TTC39B: variants seen among roughly 807,000 people sequenced by gnomAD.
The protein encoded by TTC39B is tetratricopeptide repeat protein 39B.
Under a neutral mutation model 96.6 loss-of-function variants are expected in TTC39B, and 92 were observed. The ratio of observed to expected loss-of-function variants is 0.95; its 90% confidence interval spans 0.80 to 1.13. The LOEUF (loss-of-function observed/expected upper bound fraction) is 1.13. TTC39B is among the 50% of genes most tolerant of loss of function. The probability of loss-of-function intolerance (pLI) is 0.00; values close to 1 mark genes in which losing one functional copy is unlikely to be tolerated. For missense variants in TTC39B, 955 were observed against 809.3 expected (o/e 1.18, Z -2.18); for synonymous variants, 367 against 299.4 (o/e 1.23, Z -2.33).
At chr9:15,250,278 T>A (rs1822476141) in intron 2 of TTC39B, 1 of 908,544 alleles carries the variant, frequency 1.1e-6, no homozygotes, top group Non-Finnish European at 1.3e-6. Flanking sequence ...CTAATTCTAA[T>A]CCATCACTGT....
intron 2 of TTC39B, among the ~76,000 whole-genome samples, chr9:15,234,628 GC>G (rs1821679563): frequency 6.6e-6 from 1 of 152,106 alleles, no homozygotes; most frequent in Non-Finnish European, 1.5e-5. Context: ...TCGGATGGTT[GC>G]CGTGTCTGTG....
At chr9:15,198,865 A>T (rs1046667938) in intron 8 of TTC39B, among the ~76,000 whole-genome samples, 2 of 152,230 alleles carry the variant, frequency 1.3e-5, no homozygotes, top group Non-Finnish European at 2.9e-5. Context: ...TCCCATGCAA[A>T]GACTAATTAT....
chr9:15,214,336 G>C (rs1365983186), intron 3 of TTC39B, 87 bp from the exon 4 acceptor site: 36 of 812,250 alleles, frequency 4.4e-5, no homozygotes, highest in Non-Finnish European at 6.0e-5. Context: ...GTGTGTGTGT[G>C]TGTGTGTGTG....
intron 4 of TTC39B, among the ~76,000 whole-genome samples, chr9:15,213,453 C>G (rs1332697945): frequency 6.6e-6 from 1 of 152,196 alleles, no homozygotes; most frequent in Non-Finnish European, 1.5e-5. Flanking sequence ...CAATCAATCT[C>G]TAAGATTCAC....
At chr9:15,226,985 GTT>G (rs1491095668) in intron 2 of TTC39B, among the ~76,000 whole-genome samples, 1 of 151,416 alleles carries the variant, frequency 6.6e-6, no homozygotes, top group African/African-American at 2.4e-5. Flanking sequence ...TTTTGTGGTT[GTT>G]TTTTGTTTTT....
At chr9:15,249,998 T>C in intron 2 of TTC39B, 1 of 1,288,810 alleles carries the variant, frequency 7.8e-7, no homozygotes, top group Non-Finnish European at 1.0e-6. Flanking sequence ...TACCAGATTT[T>C]TTTTTAAGCC....
intron 6 of TTC39B, 125 bp downstream of exon 6, chr9:15,209,963 G>A (rs1820098080): frequency 4.3e-6 from 3 of 692,750 alleles, no homozygotes; most frequent in East Asian, 2.8e-5. Context: ...CTTCCAGAGG[G>A]TGAGTATGAT....
intron 2 of TTC39B, among the ~76,000 whole-genome samples, chr9:15,236,950 A>T (rs980354801): frequency 6.6e-6 from 1 of 152,258 alleles, no homozygotes; most frequent in East Asian, 1.9e-4. Context: ...ACCCAAAGCT[A>T]GCAGAAGAAA....
intron 2 of TTC39B, chr9:15,249,876 A>G (rs2131501694): frequency 8.3e-7 from 1 of 1,199,444 alleles, no homozygotes; most frequent in Non-Finnish European, 1.1e-6. Context: ...GAACATTTGA[A>G]TCATAAACCC....
intron 1 of TTC39B, among the ~76,000 whole-genome samples, chr9:15,280,816 A>G (rs1823734052): frequency 6.6e-6 from 1 of 152,164 alleles, no homozygotes; most frequent in Non-Finnish European, 1.5e-5. Context: ...AGGAGGAGTA[A>G]AGAATGCGAA....
At chr9:15,236,716 A>C (rs761610449) in intron 2 of TTC39B, among the ~76,000 whole-genome samples, 8 of 152,350 alleles carry the variant, frequency 5.3e-5, no homozygotes, top group Admixed American at 2.0e-4. Context: ...CTTGCTCCTG[A>C]ACAACTCTTG....
intron 7 of TTC39B, among the ~76,000 whole-genome samples, chr9:15,201,450 T>C (rs1819534927): frequency 6.6e-6 from 1 of 152,092 alleles, no homozygotes; most frequent in Admixed American, 6.5e-5. Context: ...GAACACAAAG[T>C]AGTGGCATGG....
intron 8 of TTC39B, among the ~76,000 whole-genome samples, chr9:15,194,364 C>G (rs1291941180): frequency 6.6e-6 from 1 of 152,010 alleles, no homozygotes; most frequent in Non-Finnish European, 1.5e-5. Context: ...AAAACATTTA[C>G]TAAAGTACCT....
At chr9:15,286,254 G>C (rs1037015081) in intron 1 of TTC39B, among the ~76,000 whole-genome samples, 1 of 152,182 alleles carries the variant, frequency 6.6e-6, no homozygotes, top group Non-Finnish European at 1.5e-5. Flanking sequence ...TTTCACATCT[G>C]GCAGTCACAA....
In TTC39B at chr9:15,234,086, C is replaced by A. The variant is rs1421660592; in HGVS notation, c.276-8074G>T. On this transcript the variant is annotated intron_variant, in intron 2 of 19. Transcript: ENST00000512701. ...GAGGAGCGCCTCTGCCCGGCCGCGA[C>A]CCCATCTGGGAGGTGAGGAGTGTCT... 3.3e-3 allele frequency among the ~76,000 whole-genome samples: 497 copies of A among 150,838 alleles called. 2 individuals are homozygous for A. The highest frequency in any genetic ancestry group is 0.012 in the African/African-American group (484 of 40,878).
intron 1 of TTC39B, among the ~76,000 whole-genome samples, chr9:15,285,332 C>G (rs1268268914): frequency 6.6e-6 from 1 of 151,718 alleles, no homozygotes; most frequent in East Asian, 1.9e-4. Context: ...CTTTCAGTCT[C>G]TAGACAACTT....
chr9:15,305,119 G>A (rs758031678), intron 1 of TTC39B, among the ~76,000 whole-genome samples: 1 of 152,078 alleles, frequency 6.6e-6, no homozygotes, highest in East Asian at 1.9e-4. Flanking sequence ...TTATGAACTC[G>A]AGGTTAGAGT....
intron 1 of TTC39B, among the ~76,000 whole-genome samples, chr9:15,278,164 G>A (rs187269179): frequency 2.0e-5 from 3 of 152,288 alleles, no homozygotes; most frequent in East Asian, 3.9e-4. Flanking sequence ...TTGAGCTGCA[G>A]CTTAAGGCAG....
chr9:15,227,711 C>G (rs552822469), intron 2 of TTC39B, among the ~76,000 whole-genome samples: 1 of 152,140 alleles, frequency 6.6e-6, no homozygotes, highest in Non-Finnish European at 1.5e-5. Context: ...CCATTTGGAC[C>G]ATTCTTGCCC....
Sources: allele counts gnomAD v4.1 joint callset (sites outside exome capture counted in the v4.1 genomes callset), GRCh38; gene constraint gnomAD v4.1.1; transcripts MANE v1.5; gene names NCBI Gene and HGNC (gene_info 2026-07-23, HGNC 2026-07-21).